The following KCNT2 variants were observed in gnomAD, a reference collection of about 807,000 sequenced individuals.
KCNT2 encodes the protein potassium channel subfamily T member 2.
In KCNT2, 67 loss-of-function variants were observed where a neutral mutation model predicts 153.8. The ratio of observed to expected loss-of-function variants is 0.44; its 90% CI spans 0.36 to 0.53. The LOEUF (loss-of-function observed/expected upper bound fraction) is 0.53, where lower values mean the gene tolerates loss of function less well. Ranked by LOEUF, KCNT2 falls within the 20% of genes least tolerant of loss-of-function variation. KCNT2 has a pLI of 0.00. For missense variants in KCNT2, 975 were observed against 1,354.8 expected, an observed-to-expected ratio of 0.72 and a Z score of 4.40; for synonymous variants, 500 against 458.8, an observed-to-expected ratio of 1.09 and a Z score of -1.15.
At chr1:196,370,910 CT>C (rs1668472269) in intron 14 of KCNT2, among the ~76,000 whole-genome samples, 1 of 151,864 alleles carries the variant, frequency 6.6e-6, no homozygotes, top group African/African-American at 2.4e-5. Flanking sequence ...ATGAATGAAC[CT>C]TGAAAAACAT....
chr1:196,585,314 T>C (rs778075141), intron 1 of KCNT2, among the ~76,000 whole-genome samples: 1 of 152,104 alleles, frequency 6.6e-6, no homozygotes, highest in Non-Finnish European at 1.5e-5. Context: ...AAATTATCTC[T>C]TCAAAGAGAG....
intron 19 of KCNT2, among the ~76,000 whole-genome samples, chr1:196,320,745 A>T (rs908385819): frequency 6.6e-6 from 1 of 151,642 alleles, no homozygotes; most frequent in Admixed American, 6.6e-5. Flanking sequence ...GAATACCATT[A>T]TTTTAATTTT....
intron 1 of KCNT2, among the ~76,000 whole-genome samples, chr1:196,521,280 T>C (rs1040188643): frequency 2.0e-5 from 3 of 152,116 alleles, no homozygotes; most frequent in African/African-American, 7.2e-5. Flanking sequence ...CTATTATTTT[T>C]AAGAAGTCAA....
intron 13 of KCNT2, among the ~76,000 whole-genome samples, chr1:196,374,836 C>A (rs1045454943): frequency 2.6e-5 from 4 of 151,608 alleles, no homozygotes; most frequent in African/African-American, 9.7e-5. Flanking sequence ...AATTTCAAAT[C>A]AAAAATTAGA....
intron 14 of KCNT2, among the ~76,000 whole-genome samples, chr1:196,342,612 G>A (rs913672532): frequency 1.3e-5 from 2 of 151,360 alleles, no homozygotes; most frequent in South Asian, 4.2e-4. Context: ...AAAATTTGTT[G>A]TACAGTCTCC....
chr1:196,481,034 C>T (rs1678980737), intron 4 of KCNT2, among the ~76,000 whole-genome samples: 1 of 151,940 alleles, frequency 6.6e-6, no homozygotes. Context: ...TAAAATACTA[C>T]ATTTTAATGA....
chr1:196,405,758 A>C (rs1477934975), intron 12 of KCNT2, among the ~76,000 whole-genome samples: 2 of 151,536 alleles, frequency 1.3e-5, no homozygotes, highest in Non-Finnish European at 3.0e-5. Flanking sequence ...GCATACTTTG[A>C]GTATATCTTG....
intron 6 of KCNT2, 128 bp downstream of exon 6, chr1:196,468,866 A>G (rs1306805547): frequency 1.6e-6 from 1 of 635,760 alleles, no homozygotes; most frequent in Non-Finnish European, 2.8e-6. Context: ...GTTGCTTAGT[A>G]TCATGATTCT....
At chr1:196,451,618 T>C (rs1676213086) in intron 8 of KCNT2, among the ~76,000 whole-genome samples, 1 of 151,442 alleles carries the variant, frequency 6.6e-6, no homozygotes, top group Non-Finnish European at 1.5e-5. Context: ...ACCTTAAATA[T>C]ACTAAAATAT....
At chr1:196,373,768 T>C (rs1359176718) in intron 13 of KCNT2, among the ~76,000 whole-genome samples, 1 of 151,928 alleles carries the variant, frequency 6.6e-6, no homozygotes, top group Non-Finnish European at 1.5e-5. Flanking sequence ...ATATATTTGA[T>C]ACTATGAAAA....
intron 1 of KCNT2, among the ~76,000 whole-genome samples, chr1:196,577,406 C>A (rs1490435907): frequency 6.6e-6 from 1 of 152,132 alleles, no homozygotes; most frequent in Admixed American, 6.6e-5. Context: ...TGAAGCCTGA[C>A]AGACTGAATG....
chr1:196,389,955 G>C (rs1321957430), intron 13 of KCNT2, among the ~76,000 whole-genome samples: 1 of 151,530 alleles, frequency 6.6e-6, no homozygotes, highest in African/African-American at 2.4e-5. Flanking sequence ...ACTGAGAATT[G>C]TTCTGCTTAT....
At chr1:196,298,710 G>C (rs1221634544) in intron 22 of KCNT2, among the ~76,000 whole-genome samples, 1 of 151,164 alleles carries the variant, frequency 6.6e-6, no homozygotes, top group African/African-American at 2.4e-5. Context: ...AAGGCTAAAA[G>C]TGTCAACCTT....
chr1:196,561,235 C>T (rs924322897), intron 1 of KCNT2, among the ~76,000 whole-genome samples: 11 of 151,198 alleles, frequency 7.3e-5, no homozygotes, highest in Non-Finnish European at 1.0e-4. Context: ...TATATTATTA[C>T]TATCTGTCAG....
intron 1 of KCNT2, among the ~76,000 whole-genome samples, chr1:196,561,289 AG>A (rs993633048): frequency 6.6e-6 from 1 of 151,782 alleles, no homozygotes; most frequent in Non-Finnish European, 1.5e-5. Context: ...AGGAAAAAAA[AG>A]ATCTCTCTAA....
chr1:196,451,217 C>CTATTTTTT (rs1676135727), intron 8 of KCNT2, among the ~76,000 whole-genome samples: 16 of 63,552 alleles, frequency 2.5e-4, no homozygotes, highest in African/African-American at 7.1e-4. Context: ...ATCCCTCTTT[C>CTATTTTTT]TTTTTTTTTT....
At chr1:196,605,999 G>A (rs1203387530) in intron 1 of KCNT2, among the ~76,000 whole-genome samples, 2 of 152,116 alleles carry the variant, frequency 1.3e-5, no homozygotes, top group Non-Finnish European at 2.9e-5. Flanking sequence ...TCCAAGACAC[G>A]TATTTAATTT....
intron 16 of KCNT2, 27 bp from the exon 17 acceptor site, chr1:196,334,087 T>G: frequency 6.6e-7 from 1 of 1,522,578 alleles, no homozygotes; most frequent in Non-Finnish European, 9.1e-7. Flanking sequence ...TGAAAATTTA[T>G]CAAGGCGTTT....
intron 13 of KCNT2, among the ~76,000 whole-genome samples, chr1:196,374,908 T>C (rs544883253): frequency 2.1e-4 from 32 of 151,950 alleles, no homozygotes; most frequent in Admixed American, 6.6e-4. Context: ...AATTTCAAAC[T>C]GTAACAGAAA....
Sources: gnomAD v4.1 joint callset for allele counts (sites outside exome capture counted in the v4.1 genomes callset) on GRCh38, gnomAD v4.1.1 for gene constraint, MANE v1.5 for transcripts, NCBI Gene and HGNC (gene_info 2026-07-23, HGNC 2026-07-21) for gene names.